The following SH3GL2 variants were observed in gnomAD, a reference collection of about 807,000 sequenced individuals.
SH3GL2 encodes the protein endophilin-A1.
In SH3GL2, 24 loss-of-function variants were observed where a neutral mutation model predicts 46.0. The observed-to-expected ratio is 0.52, with a 90% CI of 0.38 to 0.73. The LOEUF is 0.73. Among genes scored for constraint, SH3GL2 ranks in the 30% least tolerant of loss-of-function variants. The pLI, the probability that SH3GL2 is intolerant of heterozygous loss-of-function variation, is 0.00. For missense variants in SH3GL2, 413 were observed against 424.2 expected (o/e 0.97, Z 0.23); for synonymous variants, 196 against 147.1 (o/e 1.33, Z -2.40).
chr9:17,703,458 C>T (rs994779409), intron 1 of SH3GL2, among the ~76,000 whole-genome samples: 9 of 151,882 alleles, frequency 5.9e-5, no homozygotes, highest in African/African-American at 2.2e-4. Flanking sequence ...GTGAGGTCAG[C>T]ATCATCCTGA....
At chr9:17,749,141 A>G (rs966280416) in intron 2 of SH3GL2, among the ~76,000 whole-genome samples, 1 of 152,174 alleles carries the variant, frequency 6.6e-6, no homozygotes, top group Admixed American at 6.5e-5. Flanking sequence ...ACTTCCTCCA[A>G]CTGGACCAAA....
At chr9:17,601,646 A>AT in intron 1 of SH3GL2, among the ~76,000 whole-genome samples, 1 of 152,340 alleles carries the variant, frequency 6.6e-6, no homozygotes, top group African/African-American at 2.4e-5. Flanking sequence ...CAGTAGTTAA[A>AT]TTTTTTGTAG....
chr9:17,655,429 G>C (rs1050053442), intron 1 of SH3GL2, among the ~76,000 whole-genome samples: 2 of 152,038 alleles, frequency 1.3e-5, no homozygotes, highest in Non-Finnish European at 2.9e-5. Context: ...GATATGCGCT[G>C]AGTCCATTCT....
chr9:17,743,569 A>AACACAAACACACAC, intron 1 of SH3GL2, among the ~76,000 whole-genome samples: 1 of 143,588 alleles, frequency 7.0e-6, no homozygotes, highest in South Asian at 2.3e-4. Context: ...CTCTTTTGTG[A>AACACAAACACACAC]ACACACACAC....
intron 1 of SH3GL2, among the ~76,000 whole-genome samples, chr9:17,739,371 A>C (rs996874162): frequency 1.3e-5 from 2 of 152,068 alleles, no homozygotes; most frequent in African/African-American, 4.8e-5. Context: ...GAATTCGAAA[A>C]ACTACTACAT....
At chr9:17,666,170 A>G (rs1177421763) in intron 1 of SH3GL2, among the ~76,000 whole-genome samples, 3 of 151,962 alleles carry the variant, frequency 2.0e-5, no homozygotes, top group African/African-American at 7.2e-5. Context: ...ATGTAGTCAA[A>G]GTACTGCATT....
chr9:17,731,626 A>G (rs1448557559), intron 1 of SH3GL2, among the ~76,000 whole-genome samples: 2 of 152,260 alleles, frequency 1.3e-5, no homozygotes, highest in Admixed American at 1.3e-4. Flanking sequence ...TAGAACCACA[A>G]GAAGGTAAAA....
intron 1 of SH3GL2, among the ~76,000 whole-genome samples, chr9:17,732,832 T>A (rs1221343940): frequency 6.6e-6 from 1 of 152,056 alleles, no homozygotes; most frequent in Non-Finnish European, 1.5e-5. Flanking sequence ...TTTTAAAAAA[T>A]TTAAAAGATT....
At chr9:17,794,515 G>C (rs1265817054) in intron 8 of SH3GL2, among the ~76,000 whole-genome samples, 1 of 152,096 alleles carries the variant, frequency 6.6e-6, no homozygotes, top group African/African-American at 2.4e-5. Flanking sequence ...GTATAGCTAT[G>C]CTTCTCCCTG....
At chr9:17,712,732 T>TCATCTAAGTTGTTTTGTC (rs1411356084) in intron 1 of SH3GL2, among the ~76,000 whole-genome samples, 2 of 151,798 alleles carry the variant, frequency 1.3e-5, no homozygotes, top group Non-Finnish European at 2.9e-5. Flanking sequence ...GAAATCACAT[T>TCATCTAAGTTGTTTTGTC]CATCTAAGTT....
chr9:17,730,032 A>G (rs923967954), intron 1 of SH3GL2, among the ~76,000 whole-genome samples: 1 of 152,088 alleles, frequency 6.6e-6, no homozygotes, highest in Admixed American at 6.6e-5. Flanking sequence ...ATAGCACTGA[A>G]TCTGTAAATT....
intron 3 of SH3GL2, among the ~76,000 whole-genome samples, chr9:17,768,917 G>T (rs2131161702): frequency 6.6e-6 from 1 of 152,314 alleles, no homozygotes; most frequent in Non-Finnish European, 1.5e-5. Context: ...GGGTTACAAA[G>T]TCCTGAGGAT....
In SH3GL2 at chr9:17,715,638, A is replaced by AT. The variant is rs1821735318; in HGVS notation, c.46-31421dup. Reference sequence around the variant, plus strand: ...GCATATTATTTATCTCAGACATTGTATTTTTTTATGTCTGGGAATTATACC... The same window carrying AT: ...GCATATTATTTATCTCAGACATTGTATTTTTTTTATGTCTGGGAATTATACC... On this transcript the variant is annotated intron_variant, in intron 1 of 8. Transcript: ENST00000380607. Among the ~76,000 whole-genome samples, 10 of 151,922 alleles carry AT rather than the reference A, an allele frequency of 6.6e-5. No individual in the cohort carries two copies. The South Asian group carries it at 1.7e-3, about 25-fold the overall frequency.
intron 2 of SH3GL2, 78 bp downstream of exon 2, chr9:17,747,212 G>A: frequency 1.2e-6 from 1 of 839,076 alleles, no homozygotes; most frequent in Admixed American, 2.3e-5. Flanking sequence ...GAAAACGGGA[G>A]AGGGCAACTG....
intron 1 of SH3GL2, among the ~76,000 whole-genome samples, chr9:17,740,553 A>G (rs1490691460): frequency 6.6e-6 from 1 of 151,916 alleles, no homozygotes; most frequent in Non-Finnish European, 1.5e-5. Flanking sequence ...GAGTCAGAGG[A>G]TGGTCTTTTA....
intron 1 of SH3GL2, among the ~76,000 whole-genome samples, chr9:17,649,031 G>A (rs1268204685): frequency 6.6e-6 from 1 of 152,158 alleles, no homozygotes; most frequent in Admixed American, 6.5e-5. Flanking sequence ...ATAAAAATAA[G>A]TCTGTCAATG....
intron 1 of SH3GL2, among the ~76,000 whole-genome samples, chr9:17,633,574 C>G (rs1023324998): frequency 6.6e-6 from 1 of 152,040 alleles, no homozygotes; most frequent in Non-Finnish European, 1.5e-5. Context: ...CTTTTTTGCA[C>G]CAACGTGTTC....
intron 1 of SH3GL2, among the ~76,000 whole-genome samples, chr9:17,729,274 AGT>A (rs994917976): frequency 6.6e-6 from 1 of 151,898 alleles, no homozygotes; most frequent in Non-Finnish European, 1.5e-5. Flanking sequence ...TCTTTTGAAA[AGT>A]GTCTGTTTAA....
rs569276458 is a variant in SH3GL2 at position 17,610,958 on chromosome 9, A to T, written c.45+31671A>T. Among the ~76,000 whole-genome samples, 5 of 152,322 alleles carry T rather than the reference A, an allele frequency of 3.3e-5. No individual in the cohort carries two copies. In the South Asian group the frequency reaches 6.2e-4, roughly 19 times the overall value. On this transcript the variant is annotated intron_variant, in intron 1 of 8. Transcript: ENST00000380607. The stretch of plus-strand genomic sequence containing the variant: ...AAATTACAGTCTGAATATAGAGAAG[A>T]TGTGAGTGCCAAAGTGTTAAATAAA...
Sources: gnomAD v4.1 joint callset for allele counts (sites outside exome capture counted in the v4.1 genomes callset) on GRCh38, gnomAD v4.1.1 for gene constraint, MANE v1.5 for transcripts, NCBI Gene and HGNC (gene_info 2026-07-23, HGNC 2026-07-21) for gene names.